The following CDK5RAP2 variants were observed in gnomAD, a reference collection of about 807,000 sequenced individuals.
The protein encoded by CDK5RAP2 is CDK5 regulatory subunit-associated protein 2.
In CDK5RAP2, 147 loss-of-function variants were observed where a neutral mutation model predicts 232.9. The ratio of observed to expected loss-of-function variants is 0.63; its 90% CI spans 0.55 to 0.72. CDK5RAP2 has a LOEUF of 0.72. CDK5RAP2 is among the 30% of genes least tolerant of loss of function. The pLI is 0.00. For synonymous variants in CDK5RAP2, 833 were observed against 833.7 expected, an observed-to-expected ratio of 1.00 and a Z score of 0.01; for missense variants, 2,195 against 2,231.5, an observed-to-expected ratio of 0.98 and a Z score of 0.33.
intron 12 of CDK5RAP2, among the ~76,000 whole-genome samples, chr9:120,497,275 G>T (rs1195624875): frequency 2.3e-5 from 3 of 128,706 alleles, no homozygotes; most frequent in Non-Finnish European, 4.6e-5. Context: ...AAACACTGTG[G>T]AAGGCCGCAG....
intron 27 of CDK5RAP2, among the ~76,000 whole-genome samples, chr9:120,415,800 AT>A (rs1400715620): frequency 6.6e-6 from 1 of 151,182 alleles, no homozygotes; most frequent in Admixed American, 6.6e-5. Context: ...TTAGGACTCT[AT>A]TTAAAGAGAC....
chr9:120,487,583 G>A, intron 13 of CDK5RAP2, 146 bp from the exon 14 acceptor site: 1 of 651,922 alleles, frequency 1.5e-6, no homozygotes, highest in Admixed American at 3.0e-5. Flanking sequence ...CAAAATACTA[G>A]GCAATTACAA....
intron 1 of CDK5RAP2, among the ~76,000 whole-genome samples, chr9:120,577,360 CAAAA>C (rs34908774): frequency 4.8e-5 from 6 of 125,326 alleles, no homozygotes; most frequent in Admixed American, 7.9e-5. Context: ...GACCCTGTCT[CAAAA>C]AAAAAAAAAA....
chr9:120,413,779 G>C (rs1243586827), intron 28 of CDK5RAP2, among the ~76,000 whole-genome samples: 1 of 150,672 alleles, frequency 6.6e-6, no homozygotes, highest in Non-Finnish European at 1.5e-5. Context: ...GGGTGAGGGG[G>C]GTATATGCAG....
At chr9:120,503,291 T>TTCAA (rs1466521032) in intron 12 of CDK5RAP2, among the ~76,000 whole-genome samples, 2 of 152,202 alleles carry the variant, frequency 1.3e-5, no homozygotes, top group African/African-American at 4.8e-5. Flanking sequence ...ACCAAGCACC[T>TTCAA]TCAACCTCAT....
chr9:120,562,346 G>A (rs2132134736), intron 3 of CDK5RAP2, among the ~76,000 whole-genome samples: 2 of 152,250 alleles, frequency 1.3e-5, no homozygotes, highest in South Asian at 4.1e-4. Context: ...GCGAGGTACG[G>A]GAACTCAGAG....
intron 3 of CDK5RAP2, among the ~76,000 whole-genome samples, chr9:120,566,753 C>T (rs1333859514): frequency 6.6e-6 from 1 of 152,192 alleles, no homozygotes; most frequent in East Asian, 1.9e-4. Flanking sequence ...AGCAGCCTGG[C>T]TCCAGAAGCC....
intron 4 of CDK5RAP2, among the ~76,000 whole-genome samples, chr9:120,546,252 G>A (rs1398060188): frequency 6.6e-6 from 1 of 152,170 alleles, no homozygotes; most frequent in Non-Finnish European, 1.5e-5. Context: ...CATGTGGATG[G>A]AAAACAGGAG....
At chr9:120,442,591 C>T (rs766388540) in intron 23 of CDK5RAP2, among the ~76,000 whole-genome samples, 7 of 152,230 alleles carry the variant, frequency 4.6e-5, no homozygotes, top group Middle Eastern at 3.4e-3. Context: ...GGGAAGCTGT[C>T]GATTAGTTAA....
At chr9:120,570,075 C>T (rs1009492488) in intron 2 of CDK5RAP2, among the ~76,000 whole-genome samples, 3 of 152,052 alleles carry the variant, frequency 2.0e-5, no homozygotes, top group Admixed American at 2.0e-4. Flanking sequence ...CAAGGAGGCA[C>T]CGGGCAGATG....
intron 12 of CDK5RAP2, among the ~76,000 whole-genome samples, chr9:120,504,116 C>T (rs1041240842): frequency 6.6e-6 from 1 of 152,116 alleles, no homozygotes; most frequent in Non-Finnish European, 1.5e-5. Flanking sequence ...GTGACAATTT[C>T]ATATCCAGAT....
At chr9:120,529,669 AT>A (rs1236279792) in intron 8 of CDK5RAP2, among the ~76,000 whole-genome samples, 1 of 152,258 alleles carries the variant, frequency 6.6e-6, no homozygotes, top group African/African-American at 2.4e-5. Context: ...CCACAACTGT[AT>A]CCTAAGAAAA....
At chr9:120,462,997 G>C (rs1255734659) in intron 18 of CDK5RAP2, among the ~76,000 whole-genome samples, 3 of 152,170 alleles carry the variant, frequency 2.0e-5, no homozygotes, top group African/African-American at 7.2e-5. Flanking sequence ...AACCTAGGTG[G>C]TGAGTATATG....
At chr9:120,551,275 C>T (rs971250073) in intron 3 of CDK5RAP2, among the ~76,000 whole-genome samples, 2 of 152,118 alleles carry the variant, frequency 1.3e-5, no homozygotes, top group African/African-American at 4.8e-5. Context: ...AAAACCTCTA[C>T]AGTAATGATT....
intron 7 of CDK5RAP2, 146 bp downstream of exon 7, chr9:120,536,226 T>C: frequency 1.3e-6 from 1 of 772,302 alleles, no homozygotes; most frequent in South Asian, 1.7e-5. Flanking sequence ...TCTATCTAAC[T>C]GTGTTGGACT....
chr9:120,436,270 G>A (rs2035572053), intron 25 of CDK5RAP2, among the ~76,000 whole-genome samples: 1 of 152,186 alleles, frequency 6.6e-6, no homozygotes, highest in South Asian at 2.1e-4. Context: ...GAGTCTTGCG[G>A]AAAGAACAGA....
intron 12 of CDK5RAP2, among the ~76,000 whole-genome samples, chr9:120,501,303 T>A (rs1297507436): frequency 6.6e-6 from 1 of 152,210 alleles, no homozygotes; most frequent in East Asian, 1.9e-4. Flanking sequence ...TCAGCCATCA[T>A]CTTCTCAGAC....
intron 13 of CDK5RAP2, among the ~76,000 whole-genome samples, chr9:120,488,136 C>T (rs957699961): frequency 2.0e-5 from 3 of 152,164 alleles, no homozygotes; most frequent in Non-Finnish European, 4.4e-5. Flanking sequence ...ATCCTAGTAA[C>T]TCCTGAACTA....
chr9:120,525,057 T>C lies in CDK5RAP2; in HGVS notation c.1021A>G (p.Ile341Val), dbSNP rs2040838887. 3.1e-6 allele frequency: 5 copies of C among 1,613,922 alleles called. No homozygotes were observed. The highest frequency in any genetic ancestry group is 4.2e-6 in the Non-Finnish European group (5 of 1,179,930). ...GCAAAGGCAGCACTGAGCTTTTCAA[T>C]TTCAGAGTTAAGTTCTTCAACCTGG... Reference protein sequence around the residue: ...EKKVEELNSEIEKLSAAFAKA... With the variant: ...EKKVEELNSEVEKLSAAFAKA... Residue 341 changes from isoleucine to valine, a missense_variant, in exon 11 of 38, where the codon ATT becomes GTT. By Grantham distance (29) the Ile-to-Val change is conservative. Transcript: ENST00000349780.
Sources: allele counts gnomAD v4.1 joint callset (sites outside exome capture counted in the v4.1 genomes callset), GRCh38; gene constraint gnomAD v4.1.1; transcripts MANE v1.5; gene names NCBI Gene and HGNC (gene_info 2026-07-23, HGNC 2026-07-21).